The following MYLK variants were observed in gnomAD, a reference collection of about 807,000 sequenced individuals.
The protein encoded by MYLK is myosin light chain kinase, smooth muscle.
In MYLK, 106 loss-of-function variants were observed where a neutral mutation model predicts 203.4. The ratio of observed to expected loss-of-function variants is 0.52; its 90% confidence interval spans 0.45 to 0.61. The LOEUF (loss-of-function observed/expected upper bound fraction) is 0.61, where lower values mean the gene tolerates loss of function less well. Ranked by LOEUF, MYLK falls within the 20% of genes least tolerant of loss-of-function variation. The probability of loss-of-function intolerance (pLI) is 0.00; values close to 1 mark genes in which losing one functional copy is unlikely to be tolerated. For missense variants in MYLK, 2,072 were observed against 2,442.3 expected, an observed-to-expected ratio of 0.85 and a Z score of 3.20; for synonymous variants, 867 against 959.5, an observed-to-expected ratio of 0.90 and a Z score of 1.78.
At chr3:123,791,309 A>G (rs556395212) in intron 4 of MYLK, among the ~76,000 whole-genome samples, 6 of 152,192 alleles carry the variant, frequency 3.9e-5, no homozygotes, top group African/African-American at 1.4e-4. Flanking sequence ...GGCTAACACC[A>G]CCTAACTTTT....
chr3:123,694,638 C>T (rs2060832797), intron 18 of MYLK, among the ~76,000 whole-genome samples: 1 of 152,234 alleles, frequency 6.6e-6, no homozygotes, highest in Non-Finnish European at 1.5e-5. Context: ...GTTTCAGTCC[C>T]TCAGCTGCCT....
chr3:123,731,544 A>C (rs536898759), intron 11 of MYLK, among the ~76,000 whole-genome samples: 1 of 152,202 alleles, frequency 6.6e-6, no homozygotes, highest in Non-Finnish European at 1.5e-5. Context: ...TACATCACTA[A>C]CTCTTTTTTT....
chr3:123,781,597 G>A (rs1283827656), intron 4 of MYLK, among the ~76,000 whole-genome samples: 1 of 152,228 alleles, frequency 6.6e-6, no homozygotes, highest in Non-Finnish European at 1.5e-5. Flanking sequence ...AAAATCAGAT[G>A]TGATCAGAAC....
chr3:123,747,687 G>A (rs562767621), intron 5 of MYLK, among the ~76,000 whole-genome samples: 4 of 152,302 alleles, frequency 2.6e-5, no homozygotes, highest in South Asian at 2.1e-4. Context: ...AACCAGATTC[G>A]CCAGGTGATT....
intron 20 of MYLK, among the ~76,000 whole-genome samples, chr3:123,672,243 GAGAA>G (rs1220877088): frequency 2.6e-5 from 4 of 151,888 alleles, no homozygotes; most frequent in Non-Finnish European, 4.4e-5. Flanking sequence ...AGGAGCGAGA[GAGAA>G]AGAGGGAGGA....
intron 13 of MYLK, among the ~76,000 whole-genome samples, chr3:123,712,491 TCTC>T (rs2061734895): frequency 6.6e-6 from 1 of 152,206 alleles, no homozygotes; most frequent in African/African-American, 2.4e-5. Context: ...CCTGTGGCAG[TCTC>T]CTCTTCAACC....
chr3:123,666,409 G>A lies in MYLK; in HGVS notation c.3704-63C>T, dbSNP rs41368444. On this transcript the variant is annotated intron_variant, in intron 21 of 33. Transcript: ENST00000360304. Reference sequence around the variant, plus strand: ...GGTCTCAGGCATTCTGATCACATTCGACGCCATTGTCCACAGTGGTCTGTT... The same window carrying A: ...GGTCTCAGGCATTCTGATCACATTCAACGCCATTGTCCACAGTGGTCTGTT... 1,920 of 1,609,822 alleles carry A rather than the reference G, an allele frequency of 1.2e-3. 23 individuals are homozygous for A. The African/African-American group carries it at 0.022, about 18-fold the overall frequency.
intron 4 of MYLK, among the ~76,000 whole-genome samples, chr3:123,786,798 TAGAA>T (rs915594319): frequency 5.9e-5 from 9 of 152,070 alleles, no homozygotes; most frequent in Admixed American, 2.0e-4. Context: ...CACAAAAAAA[TAGAA>T]AGAGCAAATT....
At chr3:123,794,191 A>G (rs1292378129) in intron 3 of MYLK, among the ~76,000 whole-genome samples, 1 of 152,236 alleles carries the variant, frequency 6.6e-6, no homozygotes, top group Non-Finnish European at 1.5e-5. Context: ...TATAATAGAT[A>G]TCTATAATCT....
chr3:123,733,156 G>C, intron 10 of MYLK, 54 bp from the exon 11 acceptor site: 1 of 1,573,266 alleles, frequency 6.4e-7, no homozygotes, highest in Non-Finnish European at 8.7e-7. Context: ...AGCACCCTGT[G>C]ATTGTGAGGT....
intron 2 of MYLK, among the ~76,000 whole-genome samples, chr3:123,858,022 A>AAAG (rs1203410846): frequency 6.6e-6 from 1 of 152,166 alleles, no homozygotes; most frequent in Non-Finnish European, 1.5e-5. Context: ...ACCGAAGGAC[A>AAAG]AAGGACTTTT....
At chr3:123,756,660 T>C (rs2063368498) in intron 4 of MYLK, among the ~76,000 whole-genome samples, 1 of 152,206 alleles carries the variant, frequency 6.6e-6, no homozygotes, top group Non-Finnish European at 1.5e-5. Context: ...TAGTACCCTC[T>C]AATCCTCCAT....
chr3:123,814,905 G>A (rs561918237), intron 3 of MYLK, among the ~76,000 whole-genome samples: 2 of 152,186 alleles, frequency 1.3e-5, no homozygotes, highest in African/African-American at 4.8e-5. Context: ...CAAGTCTCCT[G>A]TCTCAGCCTC....
chr3:123,767,629 C>A (rs534117325), intron 4 of MYLK, among the ~76,000 whole-genome samples: 2 of 152,244 alleles, frequency 1.3e-5, no homozygotes, highest in South Asian at 4.1e-4. Flanking sequence ...AAAACAAAAA[C>A]AAATGCATGG....
At chr3:123,810,616 C>G (rs994030496) in intron 3 of MYLK, among the ~76,000 whole-genome samples, 1 of 152,228 alleles carries the variant, frequency 6.6e-6, no homozygotes, top group Non-Finnish European at 1.5e-5. Context: ...AACAATCCCC[C>G]CAACAGGCTC....
At chr3:123,775,891 C>G (rs533626425) in intron 4 of MYLK, among the ~76,000 whole-genome samples, 33 of 152,318 alleles carry the variant, frequency 2.2e-4, no homozygotes, top group African/African-American at 7.9e-4. Context: ...TCTTAATCAC[C>G]TACTGTGTGT....
chr3:123,848,481 G>A (rs967101431), intron 2 of MYLK, among the ~76,000 whole-genome samples: 1 of 151,644 alleles, frequency 6.6e-6, no homozygotes, highest in Non-Finnish European at 1.5e-5. Context: ...ACCCTTATTT[G>A]GTTTGGGAAG....
chr3:123,845,128 T>C (rs982126845), intron 2 of MYLK, among the ~76,000 whole-genome samples: 2 of 152,224 alleles, frequency 1.3e-5, no homozygotes, highest in African/African-American at 4.8e-5. Flanking sequence ...TTCTGGGTTC[T>C]AGTCCTTTTT....
At chr3:123,811,984 G>A (rs2065576611) in intron 3 of MYLK, among the ~76,000 whole-genome samples, 1 of 152,106 alleles carries the variant, frequency 6.6e-6, no homozygotes. Context: ...CTATCACCTG[G>A]AGCTTTTATC....
Sources: gnomAD v4.1 joint callset for allele counts (sites outside exome capture counted in the v4.1 genomes callset) on GRCh38, gnomAD v4.1.1 for gene constraint, MANE v1.5 for transcripts, NCBI Gene and HGNC (gene_info 2026-07-23, HGNC 2026-07-21) for gene names.